CDK19: variants seen among roughly 807,000 people sequenced by gnomAD.
CDK19 encodes cyclin-dependent kinase 19.
CDK19 carries 20 observed loss-of-function variants against 68.3 expected under a neutral mutation model. The ratio of observed to expected loss-of-function variants is 0.29; its 90% CI spans 0.21 to 0.43. The LOEUF is 0.43. Ranked by LOEUF, CDK19 falls within the 20% of genes least tolerant of loss-of-function variation. The pLI, the probability that CDK19 is intolerant of heterozygous loss-of-function variation, is 1.00. For missense variants in CDK19, 339 were observed against 623.5 expected, an observed-to-expected ratio of 0.54 and a Z score of 4.86; for synonymous variants, 221 against 222.8, an observed-to-expected ratio of 0.99 and a Z score of 0.07.
intron 2 of CDK19, among the ~76,000 whole-genome samples, chr6:110,738,578 A>G (rs1000951156): frequency 6.6e-6 from 1 of 152,102 alleles, no homozygotes; most frequent in Non-Finnish European, 1.5e-5. Flanking sequence ...AATGTAATTA[A>G]ATAATCTTAA....
chr6:110,805,837 T>C (rs1782640950), intron 1 of CDK19, among the ~76,000 whole-genome samples: 1 of 152,156 alleles, frequency 6.6e-6, no homozygotes, highest in Non-Finnish European at 1.5e-5. Flanking sequence ...GGATCTACTC[T>C]TCCTATGTAA....
intron 2 of CDK19, among the ~76,000 whole-genome samples, chr6:110,741,882 G>C (rs909065898): frequency 6.6e-6 from 1 of 152,098 alleles, no homozygotes; most frequent in African/African-American, 2.4e-5. Flanking sequence ...TACAAAAACT[G>C]AAAGAATACA....
chr6:110,774,668 G>A (rs190424168), intron 1 of CDK19, among the ~76,000 whole-genome samples: 160 of 152,310 alleles, frequency 1.1e-3, no homozygotes, highest in African/African-American at 3.7e-3. Context: ...ACAAATTAAA[G>A]GCTGGGCACA....
chr6:110,716,385 G>A (rs1775397051), intron 2 of CDK19, among the ~76,000 whole-genome samples: 1 of 151,798 alleles, frequency 6.6e-6, no homozygotes, highest in Non-Finnish European at 1.5e-5. Context: ...CCACCTATGA[G>A]TTCAAATATT....
chr6:110,792,118 GTGCCACTA>G, intron 1 of CDK19, among the ~76,000 whole-genome samples: 1 of 151,498 alleles, frequency 6.6e-6, no homozygotes, highest in South Asian at 2.1e-4. Flanking sequence ...CTATAGGCAC[GTGCCACTA>G]TGTCCAGCTA....
intron 1 of CDK19, among the ~76,000 whole-genome samples, chr6:110,780,378 C>T (rs1366773192): frequency 7.3e-6 from 1 of 137,508 alleles, no homozygotes; most frequent in Non-Finnish European, 1.5e-5. Flanking sequence ...GACAGAGTGA[C>T]ACTCTGTCTC....
chr6:110,804,602 T>C (rs1009246354), intron 1 of CDK19, among the ~76,000 whole-genome samples: 1 of 149,612 alleles, frequency 6.7e-6, no homozygotes, highest in Non-Finnish European at 1.5e-5. Context: ...CACCTCGGCC[T>C]CCCAAAGTGC....
chr6:110,794,752 G>A (rs1449394205), intron 1 of CDK19, among the ~76,000 whole-genome samples: 1 of 151,480 alleles, frequency 6.6e-6, no homozygotes, highest in Non-Finnish European at 1.5e-5. Flanking sequence ...AACACAACAT[G>A]AAACTTTGTT....
rs1778133518 is a variant in CDK19 at position 110,613,541 on chromosome 6, A to C, written c.*994T>G. The C allele has an allele frequency of 6.6e-6, 1 of 152,660 alleles. No homozygotes were observed. Among genetic ancestry groups the C allele is most frequent in the Admixed American group, 6.5e-5 (1 of 15,286 alleles). 9.5% of individuals were successfully genotyped at this position (152,660 alleles called of 1,614,324 possible). ...CCTTGATTATGCAAGAAAGTTACTC[A>C]CGCAGACCCAGATGTGAAGAAACCA... On this transcript the variant is annotated 3_prime_UTR_variant, in exon 13 of 13. Transcript: ENST00000368911.
chr6:110,815,111 A>G lies in CDK19; in HGVS notation c.26T>C (p.Leu9Pro). The change falls in exon 1 of 13, where the codon CTG becomes CCG. Residue 9 changes from leucine (L) to proline (P), a missense_variant. Coordinates refer to ENST00000368911, the MANE Select transcript of CDK19 (RefSeq NM_015076.5). ...CTCCACCCGCTCCCGCTCCGCCGCCAGCTTCGCCTTGAAATCATAATCCAT... is the reference window on the plus strand; with the variant it reads ...CTCCACCCGCTCCCGCTCCGCCGCCGGCTTCGCCTTGAAATCATAATCCAT... MDYDFKAK[L>P]AAERERVEDL... 6.2e-7 allele frequency: 1 copy of G among 1,601,508 alleles called. No individual in the cohort carries two copies. The highest frequency in any genetic ancestry group is 8.5e-7 in the Non-Finnish European group (1 of 1,175,164).
intron 2 of CDK19, among the ~76,000 whole-genome samples, chr6:110,723,565 T>C (rs986173450): frequency 6.6e-6 from 1 of 152,198 alleles, no homozygotes; most frequent in Non-Finnish European, 1.5e-5. Flanking sequence ...CAATGCTAGG[T>C]TCCTGACCTA....
At chr6:110,727,235 C>T (rs1776376073) in intron 2 of CDK19, among the ~76,000 whole-genome samples, 1 of 152,066 alleles carries the variant, frequency 6.6e-6, no homozygotes, top group Non-Finnish European at 1.5e-5. Context: ...AGTAACTAAC[C>T]ACCCAGACCC....
rs540594911 is a variant in CDK19 at position 110,612,720 on chromosome 6, G to C, written c.*1815C>G. 1.2e-4 allele frequency: 18 copies of C among 152,604 alleles called. No homozygotes were observed. The highest frequency in any genetic ancestry group is 4.3e-4 in the African/African-American group (18 of 41,580). The allele number at this position is 152,604 out of a possible 1,614,324, so 9.5% of individuals were successfully genotyped here. On this transcript the variant is annotated 3_prime_UTR_variant, in exon 13 of 13. Coordinates refer to ENST00000368911, the MANE Select transcript of CDK19 (RefSeq NM_015076.5). ...CTGCTAATTTCTTATTTTAAAAAAT[G>C]GAAGGGGTAAAACAGCAGGAGACTA... is the stretch of plus-strand genomic sequence containing the variant.
chr6:110,731,411 T>C (rs548270925), intron 2 of CDK19, among the ~76,000 whole-genome samples: 1 of 152,186 alleles, frequency 6.6e-6, no homozygotes, highest in Non-Finnish European at 1.5e-5. Flanking sequence ...AGATTTAGAT[T>C]AGTGGTTGCC....
In CDK19 at chr6:110,684,020, T is replaced by A. The variant is rs1772239297; in HGVS notation, c.205-13479A>T. Among the ~76,000 whole-genome samples the A allele has an allele frequency of 2.0e-5, 3 of 152,038 alleles. No individual in the cohort carries two copies. In the South Asian group the frequency reaches 6.2e-4, roughly 31 times the overall value. ...CACCATGCCCAGCCTTAATCTTTTA[T>A]TAACATATCCCATGAGAAAATTGGA... is the stretch of plus-strand genomic sequence containing the variant. On this transcript the variant is annotated intron_variant, in intron 2 of 12. Transcript: ENST00000368911.
chr6:110,616,560 C>T (rs549374303), intron 12 of CDK19, among the ~76,000 whole-genome samples: 7 of 151,338 alleles, frequency 4.6e-5, no homozygotes, highest in African/African-American at 7.3e-5. Flanking sequence ...TCCAGCTACT[C>T]GGGAGGCTGA....
chr6:110,749,777 T>C (rs1778339357), intron 1 of CDK19, among the ~76,000 whole-genome samples: 1 of 134,960 alleles, frequency 7.4e-6, no homozygotes, highest in Non-Finnish European at 1.7e-5. Context: ...GACCACACTA[T>C]TTTTTTTTTT....
chr6:110,718,826 T>C (rs1775606493), intron 2 of CDK19, among the ~76,000 whole-genome samples: 1 of 152,030 alleles, frequency 6.6e-6, no homozygotes, highest in African/African-American at 2.4e-5. Context: ...ATCATATACG[T>C]CAATCCAAAT....
chr6:110,702,816 T>C (rs976852336), intron 2 of CDK19, among the ~76,000 whole-genome samples: 1 of 152,204 alleles, frequency 6.6e-6, no homozygotes, highest in Admixed American at 6.5e-5. Flanking sequence ...AACGTCATTA[T>C]AAGAAGCCAT....
Sources: gnomAD v4.1 joint callset for allele counts (sites outside exome capture counted in the v4.1 genomes callset) on GRCh38, gnomAD v4.1.1 for gene constraint, MANE v1.5 for transcripts, NCBI Gene and HGNC (gene_info 2026-07-23, HGNC 2026-07-21) for gene names.